The following DEPTOR variants were observed in gnomAD, a reference collection of about 807,000 sequenced individuals.
DEPTOR encodes DEP domain containing MTOR interacting protein, also known as DEP domain-containing mTOR-interacting protein.
Under a neutral mutation model 41.6 loss-of-function variants are expected in DEPTOR, and 41 were observed. The ratio of observed to expected loss-of-function variants is 0.98; its 90% confidence interval spans 0.77 to 1.28. The LOEUF (loss-of-function observed/expected upper bound fraction) is 1.28, where lower values mean the gene tolerates loss of function less well. DEPTOR is among the 50% of genes most tolerant of loss of function. The pLI is 0.00. For synonymous variants in DEPTOR, 195 were observed against 192.3 expected (o/e 1.01, Z -0.12); for missense variants, 514 against 527.9 (o/e 0.97, Z 0.26).
chr8:119,981,716 C>T (rs1419055992), intron 4 of DEPTOR, among the ~76,000 whole-genome samples: 2 of 150,706 alleles, frequency 1.3e-5, no homozygotes, highest in Non-Finnish European at 3.0e-5. Flanking sequence ...TGGCAATTCT[C>T]TTAAATTCCT....
rs546279612 is a variant in DEPTOR at position 120,009,119 on chromosome 8, G to A, written c.1087G>A (p.Ala363Thr). 13 of 1,613,790 alleles carry A rather than the reference G, an allele frequency of 8.1e-6. No homozygotes were observed. The highest frequency in any genetic ancestry group is 1.6e-4 in the Middle Eastern group (1 of 6,062). ...TGTAGACCCCAGTGGCCCTGCAGCC[G>A]CAGCAGGAATGAAGGTACTAACGGG... ...QAVDPSGPAAAAGMKVCQFVV... is the reference protein window; with the variant it reads ...QAVDPSGPAATAGMKVCQFVV... Residue 363 changes from alanine to threonine, a missense_variant, in exon 8 of 9, where the codon GCA becomes ACA. Coordinates refer to ENST00000286234, the MANE Select transcript of DEPTOR (RefSeq NM_022783.4).
intron 8 of DEPTOR, among the ~76,000 whole-genome samples, chr8:120,018,315 T>C (rs576381865): frequency 1.3e-5 from 2 of 152,338 alleles, no homozygotes; most frequent in Admixed American, 1.3e-4. Flanking sequence ...TGGTGGCTCA[T>C]GCCTGTAATC....
chr8:119,991,030 T>TTTTCTTTC (rs747315642), intron 4 of DEPTOR, among the ~76,000 whole-genome samples: 3,644 of 53,446 alleles, frequency 0.068, 123 homozygotes, highest in East Asian at 0.12. Flanking sequence ...TCGGGTTTTC[T>TTTTCTTTC]TTTCTTTCTT....
intron 4 of DEPTOR, among the ~76,000 whole-genome samples, chr8:120,000,850 A>G (rs539570065): frequency 1.3e-5 from 2 of 150,162 alleles, no homozygotes; most frequent in East Asian, 4.2e-4. Context: ...GGCTGAGGAG[A>G]GTGGATCAGT....
intron 4 of DEPTOR, among the ~76,000 whole-genome samples, chr8:119,970,867 T>C (rs1050935282): frequency 6.6e-6 from 1 of 152,022 alleles, no homozygotes; most frequent in African/African-American, 2.4e-5. Flanking sequence ...CAGTAACACG[T>C]GTGCAATATC....
intron 8 of DEPTOR, among the ~76,000 whole-genome samples, chr8:120,042,094 GAA>G (rs76331772): frequency 0.37 from 53,876 of 145,954 alleles, 10,000 homozygotes; most frequent in African/African-American, 0.41. Context: ...TAATTATAAG[GAA>G]AAAAAAAAAA....
Position 119,945,794 on chromosome 8 carries a change from T to C in DEPTOR, c.425+15856T>C, listed in dbSNP as rs1458915249. Among the ~76,000 whole-genome samples, 3 of 152,136 alleles carry C rather than the reference T, an allele frequency of 2.0e-5. No homozygotes were observed. In the East Asian group the frequency reaches 5.8e-4, roughly 29 times the overall value. ...TTAAGTGTGGAGATTCTAGAGCCAATGGATGAAGGCACACGGGTCAGCGTT... is the reference window on the plus strand; with the variant it reads ...TTAAGTGTGGAGATTCTAGAGCCAACGGATGAAGGCACACGGGTCAGCGTT... On this transcript the variant is annotated intron_variant, in intron 3 of 8. Transcript: ENST00000286234.
intron 4 of DEPTOR, among the ~76,000 whole-genome samples, chr8:119,999,546 C>A (rs1812317747): frequency 6.6e-6 from 1 of 151,874 alleles, no homozygotes; most frequent in Non-Finnish European, 1.5e-5. Context: ...ATCACTTGAG[C>A]CCAGGAGTTC....
At chr8:120,047,434 C>T (rs1813168026) in intron 8 of DEPTOR, among the ~76,000 whole-genome samples, 1 of 151,472 alleles carries the variant, frequency 6.6e-6, no homozygotes, top group South Asian at 2.1e-4. Flanking sequence ...ATGGTGTGAT[C>T]TCGGCTCACT....
chr8:119,921,748 G>GTTTTGTT (rs1827896747), intron 1 of DEPTOR, among the ~76,000 whole-genome samples: 1 of 131,190 alleles, frequency 7.6e-6, no homozygotes, highest in African/African-American at 3.0e-5. Context: ...CTATTCTGTA[G>GTTTTGTT]TTTTTTTTTT....
chr8:120,029,308 A>T (rs1459846373), intron 8 of DEPTOR, among the ~76,000 whole-genome samples: 1 of 152,192 alleles, frequency 6.6e-6, no homozygotes, highest in Non-Finnish European at 1.5e-5. Context: ...ATAGGAAAAT[A>T]TCCTTCATAC....
At chr8:119,943,710 G>A (rs1206779249) in intron 3 of DEPTOR, among the ~76,000 whole-genome samples, 1 of 152,120 alleles carries the variant, frequency 6.6e-6, no homozygotes, top group Non-Finnish European at 1.5e-5. Context: ...GAGGCCTAAA[G>A]TTGTTAATGA....
At chr8:119,953,679 G>C (rs966598776) in intron 3 of DEPTOR, among the ~76,000 whole-genome samples, 1 of 151,878 alleles carries the variant, frequency 6.6e-6, no homozygotes, top group Admixed American at 6.6e-5. Context: ...ACCCAGTAAA[G>C]CCCGTCTATC....
At chr8:119,885,870 G>A (rs1227834526) in intron 1 of DEPTOR, among the ~76,000 whole-genome samples, 3 of 150,896 alleles carry the variant, frequency 2.0e-5, no homozygotes, top group African/African-American at 7.3e-5. Context: ...ATCTTTTTTT[G>A]GAAAGTATTT....
chr8:119,956,749 T>TG (rs1457132277), intron 3 of DEPTOR, among the ~76,000 whole-genome samples: 16 of 149,124 alleles, frequency 1.1e-4, no homozygotes, highest in African/African-American at 3.7e-4. Context: ...TGTTTTTTTT[T>TG]TTTTAGATGA....
In DEPTOR at chr8:119,972,622, CA is replaced by C. The variant is rs59750717; in HGVS notation, c.604+7235del. ...TTTGTGACAGAGTAAGACTCTGTCT[CA>C]AAAAAAAAAAAAAAAAAAAAAAGTA... On this transcript the variant is annotated intron_variant, in intron 4 of 8. Coordinates refer to ENST00000286234, the MANE Select transcript of DEPTOR (RefSeq NM_022783.4). Among the ~76,000 whole-genome samples the C allele has an allele frequency of 1.4e-3, 191 of 138,314 alleles. 2 individuals are homozygous for C. The highest frequency in any genetic ancestry group is 4.4e-3 in the African/African-American group (164 of 37,270). 90.7% of individuals were successfully genotyped at this position (138,314 alleles called of 152,430 possible).
At chr8:119,948,120 C>T (rs1347050567) in intron 3 of DEPTOR, among the ~76,000 whole-genome samples, 4 of 152,170 alleles carry the variant, frequency 2.6e-5, no homozygotes, top group African/African-American at 7.2e-5. Flanking sequence ...GTACCTGTAC[C>T]TCTGTTACAG....
chr8:119,920,991 T>TGTTTG (rs1563966043), intron 1 of DEPTOR, among the ~76,000 whole-genome samples: 1 of 151,052 alleles, frequency 6.6e-6, no homozygotes, highest in Admixed American at 6.6e-5. Context: ...TTTTTTTTTT[T>TGTTTG]TTTGAGACAG....
At chr8:119,999,130 G>A (rs547726639) in intron 4 of DEPTOR, among the ~76,000 whole-genome samples, 1 of 152,012 alleles carries the variant, frequency 6.6e-6, no homozygotes, top group African/African-American at 2.4e-5. Flanking sequence ...AGGTATGGGT[G>A]TGGTGGCGCA....
Sources: gnomAD v4.1 joint callset for allele counts (sites outside exome capture counted in the v4.1 genomes callset) on GRCh38, gnomAD v4.1.1 for gene constraint, MANE v1.5 for transcripts, NCBI Gene and HGNC (gene_info 2026-07-23, HGNC 2026-07-21) for gene names.